Variants in ZNG1A observed in about 807,000 individuals in gnomAD.
The protein encoded by ZNG1A is zinc-regulated GTPase metalloprotein activator 1A.
chr9:163,691 C>A, the ZNG1A span, among the ~76,000 whole-genome samples: 283 of 151,668 alleles, frequency 1.9e-3, no homozygotes, highest in South Asian at 3.8e-3. Flanking sequence ...CCGAGGCTGG[C>A]GGATCACCTG....
At chr9:148,721 C>G in the ZNG1A span, 10 of 147,654 alleles carry the variant, frequency 6.8e-5, no homozygotes, top group African/African-American at 2.5e-4. Flanking sequence ...CCAGAAGTAC[C>G]TAATGTTTTT....
At chr9:158,351 T>C in the ZNG1A span, among the ~76,000 whole-genome samples, 1 of 152,000 alleles carries the variant, frequency 6.6e-6, no homozygotes, top group Non-Finnish European at 1.5e-5. Context: ...AACAATGATA[T>C]ATTTTTGGCA....
At chr9:133,182 C>T in the ZNG1A span, among the ~76,000 whole-genome samples, 1 of 140,658 alleles carries the variant, frequency 7.1e-6, no homozygotes, top group Non-Finnish European at 1.5e-5. Context: ...CTCCCTTACA[C>T]CTCAGATCCA....
At chr9:163,964 G>C in the ZNG1A span, 16 of 1,584,408 alleles carry the variant, frequency 1.0e-5, 2 homozygotes, top group Non-Finnish European at 1.3e-5. Context: ...AAAGAAAACT[G>C]TTTTTTAACT....
the ZNG1A span, among the ~76,000 whole-genome samples, chr9:127,544 C>T: frequency 3.9e-5 from 6 of 152,234 alleles, no homozygotes; most frequent in African/African-American, 9.6e-5. Context: ...CTTGGTCCAT[C>T]CCTTTACCTT....
At chr9:177,684 G>A in the ZNG1A span, 1 of 1,288,960 alleles carries the variant, frequency 7.8e-7, no homozygotes. Flanking sequence ...TCTCACTCCT[G>A]AGCTTCAGAT....
the ZNG1A span, among the ~76,000 whole-genome samples, chr9:129,059 C>G: frequency 6.6e-6 from 1 of 151,140 alleles, no homozygotes; most frequent in East Asian, 1.9e-4. Flanking sequence ...CTGTGGATAC[C>G]AGCACCTGTT....
chr9:127,697 T>C, the ZNG1A span, among the ~76,000 whole-genome samples: 1 of 152,144 alleles, frequency 6.6e-6, no homozygotes, highest in African/African-American at 2.4e-5. Flanking sequence ...TATTGAGATG[T>C]GAGGTACCAC....
the ZNG1A span, among the ~76,000 whole-genome samples, chr9:131,507 G>A: frequency 1.4e-5 from 2 of 148,074 alleles, no homozygotes; most frequent in African/African-American, 5.2e-5. Flanking sequence ...CTATCCCTCT[G>A]TTCTTCTTTG....
the ZNG1A span, chr9:146,224 A>C: frequency 6.3e-7 from 1 of 1,582,224 alleles, no homozygotes; most frequent in Non-Finnish European, 8.5e-7. Flanking sequence ...TAATCAAGAA[A>C]AAAAACTCTG....
chr9:126,863 CCA>C, the ZNG1A span, among the ~76,000 whole-genome samples: 6 of 151,986 alleles, frequency 3.9e-5, no homozygotes, highest in Non-Finnish European at 8.8e-5. Flanking sequence ...CTGCTGTGTC[CCA>C]GAGGCTGACA....
At chr9:176,719 G>C in the ZNG1A span, among the ~76,000 whole-genome samples, 2 of 152,044 alleles carry the variant, frequency 1.3e-5, no homozygotes, top group African/African-American at 4.8e-5. Flanking sequence ...ACCAGTCCAA[G>C]CCTGAGACAG....
chr9:122,063 GTGATTTGT>G, the ZNG1A span: 1 of 1,610,448 alleles, frequency 6.2e-7, no homozygotes, highest in Non-Finnish European at 8.5e-7. Context: ...ATCACTTGTT[GTGATTTGT>G]CTTTGATTGA....
the ZNG1A span, among the ~76,000 whole-genome samples, chr9:178,184 A>G: frequency 6.6e-6 from 1 of 150,456 alleles, no homozygotes; most frequent in East Asian, 2.0e-4. Flanking sequence ...CAAGTTCACA[A>G]ACTTGTGGTT....
the ZNG1A span, chr9:161,559 G>A: frequency 7.8e-7 from 1 of 1,285,748 alleles, no homozygotes; most frequent in Non-Finnish European, 1.0e-6. Context: ...AAACTTCCAA[G>A]AACTTACTGC....
chr9:140,254 A>C, the ZNG1A span, among the ~76,000 whole-genome samples: 3 of 151,924 alleles, frequency 2.0e-5, no homozygotes, highest in African/African-American at 2.4e-5. Context: ...TGCAGACTTA[A>C]GTGTCCCTGT....
the ZNG1A span, among the ~76,000 whole-genome samples, chr9:170,335 TTG>T: frequency 4.1e-5 from 6 of 146,532 alleles, no homozygotes; most frequent in Admixed American, 6.8e-5. Flanking sequence ...ATGTACCTAC[TTG>T]TGTGTGTGTG....
the ZNG1A span, among the ~76,000 whole-genome samples, chr9:169,348 CTT>C: frequency 6.8e-6 from 1 of 147,258 alleles, no homozygotes; most frequent in African/African-American, 2.6e-5. Context: ...CATAAGAAAA[CTT>C]TAACTAATGA....
At chr9:145,386 A>G in the ZNG1A span, among the ~76,000 whole-genome samples, 7 of 151,330 alleles carry the variant, frequency 4.6e-5, no homozygotes, top group East Asian at 1.2e-3. Flanking sequence ...GGATGAGTTC[A>G]TGTCCTTTGT....
Sources: allele counts gnomAD v4.1 joint callset (sites outside exome capture counted in the v4.1 genomes callset), GRCh38; gene constraint gnomAD v4.1.1; transcripts MANE v1.5; gene names NCBI Gene and HGNC (gene_info 2026-07-23, HGNC 2026-07-21).